SPRR2A: variants seen among roughly 807,000 people sequenced by gnomAD.
SPRR2A encodes small proline rich protein 2A.
In SPRR2A, 3 loss-of-function variants were observed where a neutral mutation model predicts 1.2. The observed-to-expected ratio is 2.56, with a 90% CI of 1.17 to 6.62. The LOEUF (loss-of-function observed/expected upper bound fraction) is 6.62. Ranked by LOEUF, SPRR2A falls within the 30% of genes most tolerant of loss-of-function variation. The probability of loss-of-function intolerance (pLI) is 0.02; values close to 1 mark genes in which losing one functional copy is unlikely to be tolerated. For missense variants in SPRR2A, 66 were observed against 87.8 expected (o/e 0.75, Z 0.99); for synonymous variants, 31 against 33.1 (o/e 0.94, Z 0.21).
Position 153,056,438 on chromosome 1 carries a change from A to G in SPRR2A, c.*79T>C. 6.4e-7 allele frequency: 1 copy of G among 1,558,850 alleles called. No homozygotes were observed. On this transcript the variant is annotated 3_prime_UTR_variant, in exon 2 of 2. Coordinates refer to ENST00000392653, the MANE Select transcript of SPRR2A (RefSeq NM_005988.3). Reference sequence around the variant, plus strand: ...TGTGTATCCATGGTAGGCTTTGATGAGAAGATGAAGGTGGAGCTGTGGAAC... The same window carrying G: ...TGTGTATCCATGGTAGGCTTTGATGGGAAGATGAAGGTGGAGCTGTGGAAC...
intron 1 of SPRR2A, among the ~76,000 whole-genome samples, 195 bp downstream of exon 1, chr1:153,057,276 G>A (rs1654374000): frequency 6.6e-6 from 1 of 152,086 alleles, no homozygotes; most frequent in Non-Finnish European, 1.5e-5. Flanking sequence ...TAACTTCTCT[G>A]TCCATATGGA....
chr1:153,056,880 C>A (rs1331675879), intron 1 of SPRR2A, 126 bp from the exon 2 acceptor site: 1 of 1,422,858 alleles, frequency 7.0e-7, no homozygotes, highest in South Asian at 1.4e-5. Context: ...TCTTAATTAC[C>A]TTTTCAAGAC....
Position 153,056,568 on chromosome 1 carries a change from A to C in SPRR2A, c.168T>G (p.Pro56=), listed in dbSNP as rs753217776. 2.7e-5 allele frequency: 43 copies of C among 1,612,132 alleles called. No individual in the cohort carries two copies. In the African/African-American group the frequency reaches 5.2e-4, roughly 20 times the overall value. ...PPQQCQQKYP[P]VTPSPPCQSK... ...ACTGGCAGGGTGGGGAAGGTGTCAC[A>C]GGAGGATATTTCTGCTGGCACTGCT... Residue 56 remains proline, a synonymous_variant, in exon 2 of 2, where the codon CCT becomes CCG. Coordinates refer to ENST00000392653, the MANE Select transcript of SPRR2A (RefSeq NM_005988.3).
At chr1:153,056,852 C>T (rs1289611812) in intron 1 of SPRR2A, 98 bp from the exon 2 acceptor site, 6 of 1,523,836 alleles carry the variant, frequency 3.9e-6, no homozygotes, top group Non-Finnish European at 5.3e-6. Context: ...TCTCCAATCT[C>T]CAAGAAATTA....
Position 153,056,740 on chromosome 1 carries a change from C to G in SPRR2A, c.-5G>C. On this transcript the variant is annotated 5_prime_UTR_variant, in exon 2 of 2. Transcript: ENST00000392653. ...CTGCTGCTGTTGATAAGACATCCTG[C>G]TGGAGTCTCAGGATCTGAAAGAAAT... 2 of 1,602,432 alleles carry G rather than the reference C, an allele frequency of 1.2e-6. No homozygotes were observed. The highest frequency in any genetic ancestry group is 1.7e-6 in the Non-Finnish European group (2 of 1,175,976).
chr1:153,056,466 G>A lies in SPRR2A; in HGVS notation c.*51C>T, dbSNP rs765003120. 5.7e-6 allele frequency: 9 copies of A among 1,588,680 alleles called. No homozygotes were observed. The East Asian group carries it at 6.7e-5, about 12-fold the overall frequency. On this transcript the variant is annotated 3_prime_UTR_variant, in exon 2 of 2. Transcript: ENST00000392653. ...AGATGAAGGTGGAGCTGTGGAACGA[G>A]GTGAGCCAAATATCCTTATCCTTTC...
At position 153,056,389 on chromosome 1, in the gene SPRR2A, C is replaced by G; in HGVS notation, c.*128G>C. ...GTCAGGGATCATCATGGGCAGATTA[C>G]TGGCTAAGGAGAAAGAAGCTCCCTG... is the stretch of plus-strand genomic sequence containing the variant. On this transcript the variant is annotated 3_prime_UTR_variant, in exon 2 of 2. Transcript: ENST00000392653. 2 of 1,474,892 alleles carry G rather than the reference C, an allele frequency of 1.4e-6. No homozygotes were observed. Among genetic ancestry groups the G allele is most frequent in the Non-Finnish European group, 1.8e-6 (2 of 1,099,288 alleles). The allele number at this position is 1,474,892 out of a possible 1,614,324, so 91.4% of individuals were successfully genotyped here.
At position 153,056,501 on chromosome 1, in the gene SPRR2A, A is replaced by G. The variant is rs1654351509; in HGVS notation, c.*16T>C. ...ATATCCTTATCCTTTCTTGGTCCTG[A>G]TGAATTCTGAAGCTGTTACTTGCTC... On this transcript the variant is annotated 3_prime_UTR_variant, in exon 2 of 2. Transcript: ENST00000392653. 1.2e-6 allele frequency: 2 copies of G among 1,610,908 alleles called. No individual in the cohort carries two copies. The highest frequency in any genetic ancestry group is 1.7e-6 in the Non-Finnish European group (2 of 1,179,240).
chr1:153,056,794 C>A lies in SPRR2A; in HGVS notation c.-19-40G>T, dbSNP rs1654362863. On this transcript the variant is annotated intron_variant, in intron 1 of 1. Transcript: ENST00000392653. ...ACAACAGTGTTCGTGGGAAGGGAAT[C>A]CTCCAGAGAGAGAAGCCAAAGCTTG... 1.9e-6 allele frequency: 3 copies of A among 1,599,272 alleles called. No individual in the cohort carries two copies. In the African/African-American group the frequency reaches 4.0e-5, roughly 21 times the overall value.
rs1224210276 is a variant in SPRR2A, at chr1:153,056,651, G to T, written c.85C>A (p.Pro29Thr). 10 of 1,610,844 alleles carry T rather than the reference G, an allele frequency of 6.2e-6. No individual in the cohort carries two copies. Among genetic ancestry groups the T allele is most frequent in the Non-Finnish European group, 8.5e-6 (10 of 1,179,068 alleles). Reference sequence around the variant, plus strand: ...GGGCAGGGCTCAGGGCACTTCGGGGGTGGACATGGCTCTGGGCACTTTGGC... The same window carrying T: ...GGGCAGGGCTCAGGGCACTTCGGGGTTGGACATGGCTCTGGGCACTTTGGC... The part of the protein sequence containing the change: ...PTPKCPEPCP[P>T]PKCPEPCPPP... The change falls in exon 2 of 2, where the codon CCC becomes ACC. Residue 29 changes from proline (P) to threonine (T), a missense_variant. Coordinates refer to ENST00000392653, the MANE Select transcript of SPRR2A (RefSeq NM_005988.3).
chr1:153,056,468 T>C lies in SPRR2A; in HGVS notation c.*49A>G, dbSNP rs1654350512. On this transcript the variant is annotated 3_prime_UTR_variant, in exon 2 of 2. Transcript: ENST00000392653. ...ATGAAGGTGGAGCTGTGGAACGAGG[T>C]GAGCCAAATATCCTTATCCTTTCTT... is the stretch of plus-strand genomic sequence containing the variant. 1.3e-6 allele frequency: 2 copies of C among 1,589,930 alleles called. No homozygotes were observed.
Position 153,056,333 on chromosome 1 carries a change from T to C in SPRR2A, c.*184A>G. On this transcript the variant is annotated 3_prime_UTR_variant, in exon 2 of 2. Transcript: ENST00000392653. ...TCAGTCTCCACCTGGACAGTGGCAG[T>C]ATGGCAGCCTCAGAAAAGAAACTTT... 9.1e-7 allele frequency: 1 copy of C among 1,101,934 alleles called. No individual in the cohort carries two copies. Among genetic ancestry groups the C allele is most frequent in the South Asian group, 1.7e-5 (1 of 60,420 alleles). 68.3% of individuals were successfully genotyped at this position (1,101,934 alleles called of 1,614,324 possible).
In SPRR2A at chr1:153,056,426, T is replaced by G. The variant is rs911449089; in HGVS notation, c.*91A>C. 81 of 1,546,208 alleles carry G rather than the reference T, an allele frequency of 5.2e-5. No individual in the cohort carries two copies. Among genetic ancestry groups the G allele is most frequent in the Middle Eastern group, 2.4e-4 (1 of 4,110 alleles). ...AAAGAAGCTCCCTGTGTATCCATGG[T>G]AGGCTTTGATGAGAAGATGAAGGTG... On this transcript the variant is annotated 3_prime_UTR_variant, in exon 2 of 2. Coordinates refer to ENST00000392653, the MANE Select transcript of SPRR2A (RefSeq NM_005988.3).
chr1:153,056,843 C>T, intron 1 of SPRR2A, 89 bp from the exon 2 acceptor site: 1 of 1,547,784 alleles, frequency 6.5e-7, no homozygotes, highest in Non-Finnish European at 8.7e-7. Flanking sequence ...CATATTATTT[C>T]TCCAATCTCC....
Position 153,056,670 on chromosome 1 carries a change from C to G in SPRR2A, c.66G>C (p.Lys22Asn), listed in dbSNP as rs1162494088. 1.9e-6 allele frequency: 3 copies of G among 1,610,582 alleles called. No individual in the cohort carries two copies. Among genetic ancestry groups the G allele is most frequent in the Non-Finnish European group, 2.5e-6 (3 of 1,179,068 alleles). The change falls in exon 2 of 2, where the codon AAG becomes AAC. Residue 22 changes from lysine to asparagine, a missense_variant. Physicochemically the swap from Lys to Asn is moderately conservative, Grantham distance 94. Coordinates refer to ENST00000392653, the MANE Select transcript of SPRR2A (RefSeq NM_005988.3). ...TCGGGGGTGGACATGGCTCTGGGCA[C>G]TTTGGCGTGGGGCACACAGGAGGTG... ...CQPPPVCPTP[K>N]CPEPCPPPKC...
Position 153,056,585 on chromosome 1 carries a change from G to C in SPRR2A, c.151C>G (p.Gln51Glu). Reference protein sequence around the residue: ...CPQPCPPQQCQQKYPPVTPSP... With the variant: ...CPQPCPPQQCEQKYPPVTPSP... Reference sequence around the variant, plus strand: ...GGTGTCACAGGAGGATATTTCTGCTGGCACTGCTGAGGTGGGCAGGGCTGT... The same window carrying C: ...GGTGTCACAGGAGGATATTTCTGCTCGCACTGCTGAGGTGGGCAGGGCTGT... Residue 51 changes from glutamine (Q) to glutamate (E), a missense_variant, in exon 2 of 2, where the codon CAG becomes GAG. Gln to Glu is a conservative substitution (Grantham distance 29). Coordinates refer to ENST00000392653, the MANE Select transcript of SPRR2A (RefSeq NM_005988.3). 6.2e-7 allele frequency: 1 copy of C among 1,612,180 alleles called. No individual in the cohort carries two copies. Among genetic ancestry groups the C allele is most frequent in the African/African-American group, 1.3e-5 (1 of 74,940 alleles).
chr1:153,056,924 C>CT, intron 1 of SPRR2A, among the ~76,000 whole-genome samples, 170 bp from the exon 2 acceptor site: 1 of 152,182 alleles, frequency 6.6e-6, no homozygotes. Flanking sequence ...TAACAAATTG[C>CT]TTCATTGTCC....
At chr1:153,057,326 A>G (rs1654375230) in intron 1 of SPRR2A, 145 bp downstream of exon 1, 1 of 156,848 alleles carries the variant, frequency 6.4e-6, no homozygotes, top group South Asian at 1.9e-4. Flanking sequence ...AATAGCATAT[A>G]ATTGTGCTCT....
chr1:153,056,840 T>C, intron 1 of SPRR2A, 86 bp from the exon 2 acceptor site: 1 of 1,566,266 alleles, frequency 6.4e-7, no homozygotes, highest in Non-Finnish European at 8.6e-7. Flanking sequence ...TGGCATATTA[T>C]TTCTCCAATC....
Sources: gnomAD v4.1 joint callset for allele counts (sites outside exome capture counted in the v4.1 genomes callset) on GRCh38, gnomAD v4.1.1 for gene constraint, MANE v1.5 for transcripts, NCBI Gene and HGNC (gene_info 2026-07-23, HGNC 2026-07-21) for gene names.